CFDP1: variants seen among roughly 807,000 people sequenced by gnomAD.
The protein encoded by CFDP1 is chromatin remodeling protein CFDP1.
In CFDP1, 31 loss-of-function variants were observed where a neutral mutation model predicts 40.1. The ratio of observed to expected loss-of-function variants is 0.77; its 90% CI spans 0.58 to 1.04. The LOEUF (loss-of-function observed/expected upper bound fraction) is 1.04. Ranked by LOEUF, CFDP1 falls within the 50% of genes least tolerant of loss-of-function variation. CFDP1 has a pLI of 0.00. For synonymous variants in CFDP1, 167 were observed against 120.0 expected (o/e 1.39, Z -2.56); for missense variants, 423 against 343.4 (o/e 1.23, Z -1.83).
intron 6 of CFDP1, among the ~76,000 whole-genome samples, chr16:75,304,721 C>G (rs1006726560): frequency 6.6e-6 from 1 of 152,206 alleles, no homozygotes; most frequent in Non-Finnish European, 1.5e-5. Context: ...CAGGCCAGAT[C>G]CAACCACTAG....
intron 5 of CFDP1, among the ~76,000 whole-genome samples, chr16:75,318,729 C>A (rs1205657137): frequency 6.6e-6 from 1 of 152,104 alleles, no homozygotes; most frequent in Non-Finnish European, 1.5e-5. Flanking sequence ...ATATCTGCAT[C>A]CTGCTTTTAG....
chr16:75,428,407 A>T (rs1484084912), intron 1 of CFDP1, among the ~76,000 whole-genome samples: 1 of 152,090 alleles, frequency 6.6e-6, no homozygotes, highest in Non-Finnish European at 1.5e-5. Flanking sequence ...CAAGGTCAGG[A>T]GATCGAGACC....
chr16:75,306,499 T>A (rs2078258196), intron 5 of CFDP1: 1 of 152,200 alleles, frequency 6.6e-6, no homozygotes. Flanking sequence ...AGAGAGGATG[T>A]CAACTTCCCT....
chr16:75,326,345 C>T (rs1307172969), intron 5 of CFDP1, among the ~76,000 whole-genome samples: 1 of 152,210 alleles, frequency 6.6e-6, no homozygotes, highest in Non-Finnish European at 1.5e-5. Flanking sequence ...TAAAAACCAA[C>T]ACTGAATGGA....
At chr16:75,300,605 A>C (rs578030351) in intron 6 of CFDP1, among the ~76,000 whole-genome samples, 1 of 152,140 alleles carries the variant, frequency 6.6e-6, no homozygotes, top group Non-Finnish European at 1.5e-5. Context: ...TTCTTTTAAC[A>C]GTAGGGTAGA....
chr16:75,369,208 C>T (rs2078735656), intron 5 of CFDP1, among the ~76,000 whole-genome samples: 1 of 152,010 alleles, frequency 6.6e-6, no homozygotes, highest in South Asian at 2.1e-4. Context: ...TTTCGTCAGG[C>T]ATAGGAGAAA....
chr16:75,315,638 C>G (rs140475884), intron 5 of CFDP1, among the ~76,000 whole-genome samples: 1 of 152,152 alleles, frequency 6.6e-6, no homozygotes, highest in Non-Finnish European at 1.5e-5. Flanking sequence ...TCTAAATACG[C>G]TTCACTTAGA....
At chr16:75,417,311 A>C (rs921325757) in intron 1 of CFDP1, among the ~76,000 whole-genome samples, 2 of 152,250 alleles carry the variant, frequency 1.3e-5, no homozygotes, top group African/African-American at 4.8e-5. Context: ...AAAAAATTAG[A>C]AACAACTCAA....
Position 75,334,898 on chromosome 16 carries a change from T to C in CFDP1, c.651-29716A>G, listed in dbSNP as rs540783441. Among the ~76,000 whole-genome samples the C allele has an allele frequency of 3.3e-5, 5 of 151,338 alleles. No homozygotes were observed. In the South Asian group the frequency reaches 8.3e-4, roughly 25 times the overall value. On this transcript the variant is annotated intron_variant, in intron 5 of 6. Transcript: ENST00000283882. ...TGAACCCCGGAGGTGGAGGTTGCAG[T>C]GAGCTGAGATCATGCCACTGCATTC...
intron 4 of CFDP1, among the ~76,000 whole-genome samples, chr16:75,397,395 A>C (rs1332156547): frequency 6.6e-6 from 1 of 151,208 alleles, no homozygotes; most frequent in African/African-American, 2.4e-5. Context: ...CATGCCTGTA[A>C]CTCCAGCTAC....
chr16:75,354,317 G>A (rs372285752), intron 5 of CFDP1, among the ~76,000 whole-genome samples: 1 of 152,186 alleles, frequency 6.6e-6, no homozygotes, highest in Non-Finnish European at 1.5e-5. Flanking sequence ...GTAACTTGCT[G>A]AGTGCCTGCC....
chr16:75,383,576 T>C (rs1026503157), intron 5 of CFDP1, among the ~76,000 whole-genome samples: 1 of 151,992 alleles, frequency 6.6e-6, no homozygotes, highest in African/African-American at 2.4e-5. Flanking sequence ...ATCCCAGCAC[T>C]TTGGGAGGCC....
At chr16:75,355,242 A>C (rs191662225) in intron 5 of CFDP1, among the ~76,000 whole-genome samples, 1 of 152,178 alleles carries the variant, frequency 6.6e-6, no homozygotes, top group Non-Finnish European at 1.5e-5. Context: ...TAATTGTGGC[A>C]ATTTCTTAAA....
At chr16:75,344,014 C>A (rs1458686605) in intron 5 of CFDP1, among the ~76,000 whole-genome samples, 1 of 152,166 alleles carries the variant, frequency 6.6e-6, no homozygotes, top group Non-Finnish European at 1.5e-5. Context: ...CAGTTTCCCC[C>A]ATTCCCAAAT....
chr16:75,329,560 A>G (rs893420464), intron 5 of CFDP1, among the ~76,000 whole-genome samples: 1 of 152,148 alleles, frequency 6.6e-6, no homozygotes, highest in Non-Finnish European at 1.5e-5. Flanking sequence ...TGGCATGATC[A>G]TAACTCATGG....
intron 6 of CFDP1, among the ~76,000 whole-genome samples, chr16:75,295,669 G>A (rs569775924): frequency 6.6e-6 from 1 of 152,308 alleles, no homozygotes; most frequent in Admixed American, 6.5e-5. Flanking sequence ...CAGAATGGCT[G>A]GAAACACAAT....
At chr16:75,337,051 G>A (rs916349892) in intron 5 of CFDP1, among the ~76,000 whole-genome samples, 3 of 152,034 alleles carry the variant, frequency 2.0e-5, no homozygotes, top group Admixed American at 2.0e-4. Context: ...TGTTTATGGC[G>A]GTCTCTGCCA....
chr16:75,346,440 G>A (rs1319835258), intron 5 of CFDP1, among the ~76,000 whole-genome samples: 4 of 151,704 alleles, frequency 2.6e-5, no homozygotes, highest in South Asian at 2.1e-4. Flanking sequence ...AAAATTAGCC[G>A]GGCGTGGTGG....
At chr16:75,390,695 G>A (rs926804183) in intron 5 of CFDP1, among the ~76,000 whole-genome samples, 1 of 152,342 alleles carries the variant, frequency 6.6e-6, no homozygotes, top group East Asian at 1.9e-4. Flanking sequence ...TGCAGAGAGA[G>A]AAGAAACAGA....
Sources: gnomAD v4.1 joint callset for allele counts (sites outside exome capture counted in the v4.1 genomes callset) on GRCh38, gnomAD v4.1.1 for gene constraint, MANE v1.5 for transcripts, NCBI Gene and HGNC (gene_info 2026-07-23, HGNC 2026-07-21) for gene names.